Variants in DENND2B observed in about 807,000 individuals in gnomAD.
The protein encoded by DENND2B is DENN domain-containing protein 2B.
Under a neutral mutation model 116.0 loss-of-function variants are expected in DENND2B, and 32 were observed. The observed-to-expected ratio is 0.28, with a 90% CI of 0.21 to 0.37. The LOEUF (loss-of-function observed/expected upper bound fraction) is 0.37, where lower values mean the gene tolerates loss of function less well. DENND2B is among the 10% of genes least tolerant of loss of function. The pLI is 1.00. For synonymous variants in DENND2B, 588 were observed against 583.9 expected (o/e 1.01, Z -0.10); for missense variants, 1,276 against 1,477.7 (o/e 0.86, Z 2.24).
intron 1 of DENND2B, among the ~76,000 whole-genome samples, chr11:8,769,314 C>A (rs961440275): frequency 2.0e-5 from 3 of 151,676 alleles, no homozygotes; most frequent in African/African-American, 7.3e-5. Context: ...CTCAGCTCCC[C>A]GCAACCTCTG....
chr11:8,791,527 G>A (rs796917686), intron 1 of DENND2B, among the ~76,000 whole-genome samples: 4 of 152,236 alleles, frequency 2.6e-5, no homozygotes, highest in South Asian at 2.1e-4. Flanking sequence ...AGCAATTTGG[G>A]AGGCCGAGGC....
At chr11:8,742,196 A>C (rs1014478468) in intron 2 of DENND2B, among the ~76,000 whole-genome samples, 6 of 152,210 alleles carry the variant, frequency 3.9e-5, no homozygotes, top group Non-Finnish European at 7.3e-5. Context: ...CACTGCGCCC[A>C]GCCAGCCTTG....
intron 3 of DENND2B, among the ~76,000 whole-genome samples, chr11:8,855,556 A>G (rs1039063227): frequency 6.6e-6 from 1 of 151,932 alleles, no homozygotes; most frequent in Non-Finnish European, 1.5e-5. Flanking sequence ...AGATGCAAAG[A>G]GCCCGAGAAA....
chr11:8,735,328 C>T (rs867412428), intron 2 of DENND2B, among the ~76,000 whole-genome samples: 1 of 152,314 alleles, frequency 6.6e-6, no homozygotes, highest in South Asian at 2.1e-4. Context: ...CAGCCTACAA[C>T]TGCCTGACTC....
intron 1 of DENND2B, chr11:8,766,813 G>A: frequency 3.8e-6 from 2 of 522,190 alleles, no homozygotes; most frequent in Non-Finnish European, 6.6e-6. Flanking sequence ...GAATGTGACA[G>A]AGGACAAGAA....
chr11:8,889,604 A>G (rs931633653), intron 1 of DENND2B, among the ~76,000 whole-genome samples: 4 of 152,208 alleles, frequency 2.6e-5, no homozygotes, highest in Admixed American at 1.3e-4. Context: ...TATCCCGCAC[A>G]TGGCTCGGAG....
chr11:8,717,802 AAGG>A lies in DENND2B; in HGVS notation c.1565_1567del (p.Ser522del). 6.2e-7 allele frequency: 1 copy of A among 1,612,792 alleles called. No individual in the cohort carries two copies. The highest frequency in any genetic ancestry group is 8.5e-7 in the Non-Finnish European group (1 of 1,179,178). On this transcript the variant is annotated inframe_deletion, in exon 5 of 20. Transcript: ENST00000313726. ...ACTCCACATCCTGTGCAAAGAGTCC[AAGG>A]AGTTCTCAGACAGTTGCTGGGATTT...
intron 1 of DENND2B, among the ~76,000 whole-genome samples, chr11:8,903,846 G>A (rs1263086126): frequency 7.4e-6 from 1 of 136,050 alleles, no homozygotes; most frequent in African/African-American, 2.8e-5. Context: ...CTGTGATTAT[G>A]CCACGGCACT....
At position 8,858,928 on chromosome 11, in the gene DENND2B, A is replaced by G. The variant is rs1594268817; in HGVS notation, c.-249-1492T>C. Among the ~76,000 whole-genome samples the G allele has an allele frequency of 2.6e-5, 4 of 152,328 alleles. No homozygotes were observed. In the South Asian group the frequency reaches 8.3e-4, roughly 32 times the overall value. On this transcript the variant is annotated intron_variant, in intron 2 of 6. Transcript: ENST00000524757. The stretch of plus-strand genomic sequence containing the variant: ...GATTAGTGCACATAAAACCCTTACA[A>G]CAGCCTCTGGCAGCCAGTAAACATT...
At chr11:8,829,955 C>T (rs2062140085) in intron 4 of DENND2B, among the ~76,000 whole-genome samples, 1 of 152,124 alleles carries the variant, frequency 6.6e-6, no homozygotes, top group Non-Finnish European at 1.5e-5. Context: ...TGGTGTCTTC[C>T]GTCTTGCCCC....
In DENND2B at chr11:8,693,985, T is replaced by C. The variant is rs2039857855; in HGVS notation, c.*111A>G. ...GGCAGAGGTGGGCTGGCTTGGAGGA[T>C]AGGATCTGTGGGGGCAGAGGAGCCA... On this transcript the variant is annotated 3_prime_UTR_variant, in exon 20 of 20. Transcript: ENST00000313726. 1 of 1,156,434 alleles carries C rather than the reference T, an allele frequency of 8.6e-7. No homozygotes were observed. Among genetic ancestry groups the C allele is most frequent in the Non-Finnish European group, 1.3e-6 (1 of 794,112 alleles). 71.6% of individuals were successfully genotyped at this position (1,156,434 alleles called of 1,614,324 possible).
chr11:8,769,694 G>A lies in DENND2B; in HGVS notation c.-25-18969C>T, dbSNP rs184854995. On this transcript the variant is annotated intron_variant, in intron 1 of 19. Coordinates refer to ENST00000313726, the MANE Select transcript of DENND2B (RefSeq NM_213618.2). ...CAGCCTTTTTGCCACCTGTTGCAGT[G>A]GCCACACTGATCCTAATCCTCCCCC... 3.4e-3 allele frequency among the ~76,000 whole-genome samples: 513 copies of A among 152,260 alleles called. 4 individuals carry two copies. The highest frequency in any genetic ancestry group is 0.011 in the African/African-American group (477 of 41,546).
intron 4 of DENND2B, chr11:8,718,160 T>C: frequency 2.5e-6 from 1 of 404,728 alleles, no homozygotes; most frequent in Non-Finnish European, 4.6e-6. Context: ...CTTTATAAAT[T>C]CAGGGATTGC....
At chr11:8,842,918 T>C (rs1426453091) in intron 3 of DENND2B, among the ~76,000 whole-genome samples, 1 of 152,204 alleles carries the variant, frequency 6.6e-6, no homozygotes, top group Non-Finnish European at 1.5e-5. Flanking sequence ...TAGGACTCTG[T>C]AAAGGCTTCT....
chr11:8,770,055 T>A (rs2056590049), intron 1 of DENND2B, among the ~76,000 whole-genome samples: 1 of 152,210 alleles, frequency 6.6e-6, no homozygotes, highest in South Asian at 2.1e-4. Flanking sequence ...TCAAAGAGAC[T>A]GCCAGTAGCC....
At position 8,730,389 on chromosome 11, in the gene DENND2B, G is replaced by A. The variant is rs1412770484; in HGVS notation, c.901C>T (p.Pro301Ser). Residue 301 changes from proline to serine, a missense_variant, in exon 3 of 20, where the codon CCC becomes TCC. This residue lies in a region of DENND2B where 856 missense variants were observed against 846.6 expected (regional missense o/e 1.01). Transcript: ENST00000313726. The surrounding 1 kb of genome is among the most constrained non-coding windows in gnomAD (Gnocchi z 4.1). ...CTGTAGCAGCTGCTGGGGAGCTGGG[G>A]GAGCCCCCGGCCCGGCTGCTCCTTC... is the stretch of plus-strand genomic sequence containing the variant. ...VLKEQPGRGL[P>S]QLPSSCYSVD... 4.4e-6 allele frequency: 7 copies of A among 1,605,384 alleles called. No individual in the cohort carries two copies. Among genetic ancestry groups the A allele is most frequent in the Non-Finnish European group, 5.1e-6 (6 of 1,179,936 alleles).
chr11:8,842,805 T>G (rs1198043643), intron 3 of DENND2B, among the ~76,000 whole-genome samples: 1 of 152,174 alleles, frequency 6.6e-6, no homozygotes, highest in Non-Finnish European at 1.5e-5. Flanking sequence ...ACCAGAAAAG[T>G]GTCACACGTG....
chr11:8,817,634 T>C (rs987030548), intron 4 of DENND2B, among the ~76,000 whole-genome samples: 1 of 152,138 alleles, frequency 6.6e-6, no homozygotes. Context: ...CACACCTTCA[T>C]GCTAGGTTGC....
intron 2 of DENND2B, among the ~76,000 whole-genome samples, chr11:8,734,317 T>C (rs1253476280): frequency 6.6e-6 from 1 of 151,926 alleles, no homozygotes; most frequent in Non-Finnish European, 1.5e-5. Flanking sequence ...TTATCATTAG[T>C]ACTGTTTTTT....
Sources: gnomAD v4.1 joint callset for allele counts (sites outside exome capture counted in the v4.1 genomes callset) on GRCh38, gnomAD v4.1.1 for gene constraint, gnomAD v4.1.1 regional missense constraint, Gnocchi (gnomAD v3.1) non-coding constraint, MANE v1.5 for transcripts, NCBI Gene and HGNC (gene_info 2026-07-23, HGNC 2026-07-21) for gene names.